Variants in CYB5B observed in about 807,000 individuals in gnomAD.
The protein encoded by CYB5B is cytochrome b5 type B (outer mitochondrial membrane).
CYB5B carries 14 observed loss-of-function variants against 21.3 expected under a neutral mutation model. The ratio of observed to expected loss-of-function variants is 0.66; its 90% confidence interval spans 0.43 to 1.03. The LOEUF (loss-of-function observed/expected upper bound fraction) is 1.03. Ranked by LOEUF, CYB5B falls within the 50% of genes least tolerant of loss-of-function variation. CYB5B has a pLI of 0.00. For missense variants in CYB5B, 166 were observed against 185.1 expected (o/e 0.90, Z 0.60); for synonymous variants, 69 against 68.4 (o/e 1.01, Z -0.04).
At chr16:69,449,290 C>T (rs975484029) in intron 3 of CYB5B, 2 of 151,960 alleles carry the variant, frequency 1.3e-5, no homozygotes, top group Non-Finnish European at 2.9e-5. Context: ...GTCTTAGTTC[C>T]CCTTCCCTGG....
chr16:69,424,956 G>A, intron 1 of CYB5B, 99 bp downstream of exon 1: 1 of 1,271,744 alleles, frequency 7.9e-7, no homozygotes, highest in Non-Finnish European at 1.0e-6. Flanking sequence ...TTGGCTGGGG[G>A]CGATAAGGCG....
intron 2 of CYB5B, 74 bp downstream of exon 2, chr16:69,447,352 GA>G: frequency 6.4e-7 from 1 of 1,551,724 alleles, no homozygotes. Context: ...ATGAAGAAAT[GA>G]ATTATTGGCT....
intron 1 of CYB5B, among the ~76,000 whole-genome samples, chr16:69,441,076 T>C (rs991119441): frequency 6.6e-6 from 1 of 152,158 alleles, no homozygotes; most frequent in Non-Finnish European, 1.5e-5. Context: ...TGCAAGACTT[T>C]AGTATGGTAT....
intron 3 of CYB5B, among the ~76,000 whole-genome samples, chr16:69,451,522 C>CA (rs2014930472): frequency 2.0e-5 from 3 of 152,040 alleles, no homozygotes; most frequent in Admixed American, 6.6e-5. Flanking sequence ...GATAATAGTT[C>CA]AACTGCTTTA....
intron 4 of CYB5B, 111 bp from the exon 5 acceptor site, chr16:69,462,319 C>T: frequency 1.2e-6 from 1 of 811,780 alleles, no homozygotes; most frequent in Non-Finnish European, 2.0e-6. Flanking sequence ...GTTAAATTTC[C>T]CAAAGTAAAT....
At chr16:69,458,975 G>A in intron 3 of CYB5B, 118 bp from the exon 4 acceptor site, 2 of 856,660 alleles carry the variant, frequency 2.3e-6, no homozygotes, top group Non-Finnish European at 3.5e-6. Context: ...CATGAAAGAT[G>A]AAGTTCTGGT....
intron 1 of CYB5B, chr16:69,443,489 A>G (rs78796669): frequency 0.026 from 4,244 of 162,782 alleles, 75 homozygotes; most frequent in East Asian, 0.054. Context: ...TTGAGGAAAT[A>G]CCAGGATGCA....
At chr16:69,425,010 T>TG (rs1174872532) in intron 1 of CYB5B, among the ~76,000 whole-genome samples, 153 bp downstream of exon 1, 2 of 151,954 alleles carry the variant, frequency 1.3e-5, no homozygotes, top group Non-Finnish European at 2.9e-5. Flanking sequence ...GGGGTGGGAT[T>TG]GGGGGAGGGC....
In CYB5B at chr16:69,424,716, C is replaced by T; in HGVS notation, c.33C>T (p.Ser11=). 1 of 1,593,170 alleles carries T rather than the reference C, an allele frequency of 6.3e-7. No individual in the cohort carries two copies. Among genetic ancestry groups the T allele is most frequent in the South Asian group, 1.1e-5 (1 of 88,756 alleles). MSGSMATAEA[S]GSDGKGQEVE... ...GTTCAATGGCGACTGCGGAAGCTAG[C>T]GGCAGCGATGGGAAAGGGCAGGAAG... is the stretch of plus-strand genomic sequence containing the variant. The change falls in exon 1 of 5, where the codon AGC becomes AGT. Residue 11 remains serine, a synonymous_variant. Transcript: ENST00000307892.
At chr16:69,436,514 A>G (rs1222455873) in intron 1 of CYB5B, among the ~76,000 whole-genome samples, 2 of 152,312 alleles carry the variant, frequency 1.3e-5, no homozygotes, top group African/African-American at 2.4e-5. Flanking sequence ...GCAAATACCT[A>G]TAGACCTGCA....
At chr16:69,434,307 T>C (rs546354589) in intron 1 of CYB5B, among the ~76,000 whole-genome samples, 2 of 152,352 alleles carry the variant, frequency 1.3e-5, no homozygotes, top group East Asian at 1.9e-4. Flanking sequence ...GGGGCTGTTA[T>C]GAATAAAACT....
intron 4 of CYB5B, among the ~76,000 whole-genome samples, chr16:69,460,144 A>T (rs182904410): frequency 3.3e-5 from 5 of 152,138 alleles, no homozygotes; most frequent in Non-Finnish European, 7.4e-5. Flanking sequence ...AAGGCAGGAG[A>T]ATCGCTTGAA....
At chr16:69,453,186 A>G (rs2014952743) in intron 3 of CYB5B, among the ~76,000 whole-genome samples, 1 of 152,118 alleles carries the variant, frequency 6.6e-6, no homozygotes, top group East Asian at 1.9e-4. Flanking sequence ...GACTTATGAA[A>G]TCTAGTAAAT....
intron 3 of CYB5B, among the ~76,000 whole-genome samples, chr16:69,451,589 T>G (rs1567474377): frequency 6.6e-6 from 1 of 151,978 alleles, no homozygotes; most frequent in Non-Finnish European, 1.5e-5. Flanking sequence ...CCCATTACAT[T>G]TTTTTTGAGT....
intron 1 of CYB5B, among the ~76,000 whole-genome samples, chr16:69,446,515 G>A (rs150224508): frequency 3.9e-5 from 6 of 152,174 alleles, no homozygotes; most frequent in African/African-American, 1.2e-4. Flanking sequence ...TAGTACAGAC[G>A]GGTTCACCAA....
chr16:69,442,844 T>A (rs867130253), intron 1 of CYB5B, among the ~76,000 whole-genome samples: 224 of 128,800 alleles, frequency 1.7e-3, no homozygotes, highest in African/African-American at 5.5e-3. Flanking sequence ...TTTTTTTTTT[T>A]AAATTCTGAG....
intron 1 of CYB5B, among the ~76,000 whole-genome samples, chr16:69,446,101 G>A (rs1309523855): frequency 1.3e-5 from 2 of 152,000 alleles, no homozygotes; most frequent in African/African-American, 4.8e-5. Context: ...TTTAAAAATT[G>A]TAGATGGTAT....
intron 1 of CYB5B, among the ~76,000 whole-genome samples, chr16:69,440,868 A>G (rs551355383): frequency 1.7e-4 from 25 of 151,338 alleles, no homozygotes; most frequent in African/African-American, 5.8e-4. Context: ...TATGTTGTCC[A>G]GGATGGTCAT....
At position 69,437,768 on chromosome 16, in the gene CYB5B, C is replaced by T. The variant is rs2014776368; in HGVS notation, c.175-9382C>T. 5.9e-5 allele frequency among the ~76,000 whole-genome samples: 9 copies of T among 152,226 alleles called. No homozygotes were observed. The South Asian group carries it at 1.7e-3, about 28-fold the overall frequency. ...AACTCTAACCATCAAGCCATAACTCCGTATTCCTCTCCCCAAACTCAAGCT... is the reference window on the plus strand; with the variant it reads ...AACTCTAACCATCAAGCCATAACTCTGTATTCCTCTCCCCAAACTCAAGCT... On this transcript the variant is annotated intron_variant, in intron 1 of 4. Coordinates refer to ENST00000307892, the MANE Select transcript of CYB5B (RefSeq NM_030579.3).
Sources: allele counts gnomAD v4.1 joint callset (sites outside exome capture counted in the v4.1 genomes callset), GRCh38; gene constraint gnomAD v4.1.1; transcripts MANE v1.5; gene names NCBI Gene and HGNC (gene_info 2026-07-23, HGNC 2026-07-21).